RPS6KC1: variants seen among roughly 807,000 people sequenced by gnomAD.
The protein encoded by RPS6KC1 is ribosomal protein S6 kinase C1.
Under a neutral mutation model 103.8 loss-of-function variants are expected in RPS6KC1, and 54 were observed. The ratio of observed to expected loss-of-function variants is 0.52; its 90% confidence interval spans 0.42 to 0.65. The LOEUF (loss-of-function observed/expected upper bound fraction) is 0.65, where lower values mean the gene tolerates loss of function less well. Ranked by LOEUF, RPS6KC1 falls within the 30% of genes least tolerant of loss-of-function variation. The pLI, the probability that RPS6KC1 is intolerant of heterozygous loss-of-function variation, is 0.00. For missense variants in RPS6KC1, 1,151 were observed against 1,253.8 expected, an observed-to-expected ratio of 0.92 and a Z score of 1.24; for synonymous variants, 439 against 438.7, an observed-to-expected ratio of 1.00 and a Z score of -0.01.
At chr1:213,426,355 G>C in the RPS6KC1 span, among the ~76,000 whole-genome samples, 2 of 152,178 alleles carry the variant, frequency 1.3e-5, no homozygotes, top group Non-Finnish European at 2.9e-5. Flanking sequence ...TGGGAGAGAA[G>C]GCTGGGCCAC....
At chr1:213,462,883 C>A in the RPS6KC1 span, among the ~76,000 whole-genome samples, 1 of 152,100 alleles carries the variant, frequency 6.6e-6, no homozygotes. Flanking sequence ...ACATATATCC[C>A]AGAACTTAAA....
chr1:213,576,991 C>T, the RPS6KC1 span, among the ~76,000 whole-genome samples: 1 of 152,168 alleles, frequency 6.6e-6, no homozygotes, highest in African/African-American at 2.4e-5. Context: ...ATCAAACCAG[C>T]CACAACATTC....
chr1:213,732,940 C>A, the RPS6KC1 span, among the ~76,000 whole-genome samples: 1 of 152,150 alleles, frequency 6.6e-6, no homozygotes, highest in Non-Finnish European at 1.5e-5. Flanking sequence ...TTGACATATG[C>A]CCTTCAGGTT....
intron 3 of RPS6KC1, among the ~76,000 whole-genome samples, chr1:213,091,073 T>C (rs1025330804): frequency 6.6e-6 from 1 of 151,918 alleles, no homozygotes; most frequent in Non-Finnish European, 1.5e-5. Flanking sequence ...TGTTTTTTTT[T>C]TTGAGACGGA....
At chr1:213,454,542 T>C in the RPS6KC1 span, among the ~76,000 whole-genome samples, 1 of 152,242 alleles carries the variant, frequency 6.6e-6, no homozygotes, top group Non-Finnish European at 1.5e-5. Context: ...TTGATAAATA[T>C]ATTTTTAAAA....
chr1:213,304,521 G>A, the RPS6KC1 span, among the ~76,000 whole-genome samples: 2 of 150,974 alleles, frequency 1.3e-5, no homozygotes, highest in Non-Finnish European at 3.0e-5. Context: ...AAATTACTCT[G>A]TATAGAAAAT....
the RPS6KC1 span, among the ~76,000 whole-genome samples, chr1:213,717,164 T>C: frequency 2.6e-5 from 4 of 152,058 alleles, no homozygotes; most frequent in African/African-American, 9.7e-5. Flanking sequence ...GCTGTTGATA[T>C]GAAAATGAAA....
chr1:213,192,552 T>G (rs2092786614), intron 8 of RPS6KC1, among the ~76,000 whole-genome samples: 1 of 152,196 alleles, frequency 6.6e-6, no homozygotes, highest in Non-Finnish European at 1.5e-5. Flanking sequence ...ATCTCATTAC[T>G]TGTTATTGAT....
intron 14 of RPS6KC1, among the ~76,000 whole-genome samples, chr1:213,268,921 AAAG>A (rs2094975587): frequency 6.6e-6 from 1 of 152,178 alleles, no homozygotes; most frequent in African/African-American, 2.4e-5. Flanking sequence ...ATTTAACACA[AAAG>A]AAGGCAGTAA....
chr1:213,301,698 CTTATTTATTTATTTATTTATTTATTTAT>C, the RPS6KC1 span, among the ~76,000 whole-genome samples: 2 of 141,162 alleles, frequency 1.4e-5, no homozygotes, highest in African/African-American at 2.6e-5. Flanking sequence ...GACCCATTTA[CTTATTTATTTATTTATTTATTTATTTAT>C]TTATTTATTT....
the RPS6KC1 span, among the ~76,000 whole-genome samples, chr1:213,584,019 G>A: frequency 6.6e-6 from 1 of 152,032 alleles, no homozygotes; most frequent in Non-Finnish European, 1.5e-5. Context: ...TGCTGTGGAA[G>A]GGACTTGGTG....
intron 3 of RPS6KC1, among the ~76,000 whole-genome samples, chr1:213,096,666 A>G (rs1327486993): frequency 6.6e-6 from 1 of 152,070 alleles, no homozygotes; most frequent in Non-Finnish European, 1.5e-5. Flanking sequence ...CACTGTATCA[A>G]AGAAAAAAAA....
At chr1:213,752,285 A>C in the RPS6KC1 span, among the ~76,000 whole-genome samples, 1 of 152,180 alleles carries the variant, frequency 6.6e-6, no homozygotes. Context: ...CAGAGAAAAA[A>C]ATATTTTGGG....
chr1:213,601,654 A>T, the RPS6KC1 span, among the ~76,000 whole-genome samples: 3 of 151,842 alleles, frequency 2.0e-5, no homozygotes, highest in Non-Finnish European at 4.4e-5. Context: ...TGGCTTCCTG[A>T]GGATGAAGCT....
the RPS6KC1 span, among the ~76,000 whole-genome samples, chr1:213,572,619 G>GT: frequency 2.0e-5 from 3 of 152,054 alleles, no homozygotes; most frequent in African/African-American, 7.2e-5. Flanking sequence ...AACAAATTTA[G>GT]TTTTTTTAAA....
At chr1:213,468,430 C>T in the RPS6KC1 span, among the ~76,000 whole-genome samples, 1 of 152,174 alleles carries the variant, frequency 6.6e-6, no homozygotes, top group Non-Finnish European at 1.5e-5. Context: ...CAACTCACTT[C>T]AAGCTGTGGA....
intron 10 of RPS6KC1, among the ~76,000 whole-genome samples, chr1:213,234,150 C>G (rs762803361): frequency 9.9e-5 from 15 of 151,768 alleles, no homozygotes; most frequent in Non-Finnish European, 2.2e-4. Flanking sequence ...GCTGGGATTA[C>G]ATGCGTGCAC....
chr1:213,515,776 G>T, the RPS6KC1 span, among the ~76,000 whole-genome samples: 2 of 152,138 alleles, frequency 1.3e-5, no homozygotes, highest in Non-Finnish European at 2.9e-5. Flanking sequence ...GAAAGTCACT[G>T]GTAGCTTGAT....
the RPS6KC1 span, among the ~76,000 whole-genome samples, chr1:213,655,234 G>T: frequency 6.6e-6 from 1 of 152,124 alleles, no homozygotes; most frequent in Non-Finnish European, 1.5e-5. Context: ...GTAGAGACAG[G>T]GTTTTGCCAC....
Sources: gnomAD v4.1 joint callset for allele counts (sites outside exome capture counted in the v4.1 genomes callset) on GRCh38, gnomAD v4.1.1 for gene constraint, MANE v1.5 for transcripts, NCBI Gene and HGNC (gene_info 2026-07-23, HGNC 2026-07-21) for gene names.